MFAP1: variants seen among roughly 807,000 people sequenced by gnomAD.
MFAP1 encodes the protein microfibril associated protein 1.
MFAP1 carries 18 observed loss-of-function variants against 62.2 expected under a neutral mutation model. That is an observed-to-expected ratio of 0.29 (90% CI 0.20 to 0.43). MFAP1 has a LOEUF of 0.43. MFAP1 is among the 20% of genes least tolerant of loss of function. The pLI is 1.00. For missense variants in MFAP1, 355 were observed against 559.7 expected (o/e 0.63, Z 3.69); for synonymous variants, 175 against 180.4 (o/e 0.97, Z 0.24).
At chr15:43,810,634 T>C (rs898965223) in intron 6 of MFAP1, among the ~76,000 whole-genome samples, 1 of 152,174 alleles carries the variant, frequency 6.6e-6, no homozygotes, top group Non-Finnish European at 1.5e-5. Context: ...TCCAAAGTGT[T>C]GGGATTATAG....
chr15:43,821,022 C>T (rs1001997421), intron 1 of MFAP1, among the ~76,000 whole-genome samples: 2 of 152,114 alleles, frequency 1.3e-5, no homozygotes, highest in African/African-American at 4.8e-5. Flanking sequence ...CCTCCCTCTT[C>T]AGCCTCTCAG....
At position 43,808,353 on chromosome 15, in the gene MFAP1, G is replaced by A. The variant is rs2087378575; in HGVS notation, c.1047+1402C>T. Among the ~76,000 whole-genome samples, 4 of 152,178 alleles carry A rather than the reference G, an allele frequency of 2.6e-5. No homozygotes were observed. The South Asian group carries it at 8.3e-4, about 32-fold the overall frequency. ...CTTGATAGGTGACACTACAGGCACG[G>A]ACCACCACGCCTAATTTTTGTATTT... is the stretch of plus-strand genomic sequence containing the variant. On this transcript the variant is annotated intron_variant, in intron 7 of 8. Transcript: ENST00000267812.
intron 1 of MFAP1, among the ~76,000 whole-genome samples, chr15:43,822,681 T>C (rs1011560947): frequency 6.6e-6 from 1 of 152,192 alleles, no homozygotes; most frequent in African/African-American, 2.4e-5. Flanking sequence ...GCCTTTGTTT[T>C]AACAGACAGG....
Position 43,813,236 on chromosome 15 carries a change from C to T in MFAP1, c.726+13G>A. The T allele has an allele frequency of 6.2e-7, 1 of 1,614,082 alleles. No individual in the cohort carries two copies. The highest frequency in any genetic ancestry group is 8.5e-7 in the Non-Finnish European group (1 of 1,180,012). On this transcript the variant is annotated intron_variant, in intron 5 of 8. Transcript: ENST00000267812. ...ATTTCTTGTACTCATTCCTTGCAAC[C>T]ACTCCCCAGTACCTTGAGTGTGTAC...
chr15:43,806,147 T>C lies in MFAP1; in HGVS notation c.1048-682A>G, dbSNP rs866992189. Among the ~76,000 whole-genome samples, 5 of 151,946 alleles carry C rather than the reference T, an allele frequency of 3.3e-5. No homozygotes were observed. The South Asian group carries it at 1.0e-3, about 32-fold the overall frequency. On this transcript the variant is annotated intron_variant, in intron 7 of 8. Transcript: ENST00000267812. ...TTTCTCCTTGAGTGTAGACGTGTCT[T>C]GAAGGTTGGCTTATTCTCTGCACTC... is the stretch of plus-strand genomic sequence containing the variant.
chr15:43,807,611 G>C (rs184043482), intron 7 of MFAP1, among the ~76,000 whole-genome samples: 12 of 151,686 alleles, frequency 7.9e-5, no homozygotes, highest in Admixed American at 7.9e-4. Context: ...GCCTCCCAAA[G>C]TGCTGGGATT....
At chr15:43,812,815 G>C (rs2087410132) in intron 6 of MFAP1, among the ~76,000 whole-genome samples, 172 bp downstream of exon 6, 1 of 152,126 alleles carries the variant, frequency 6.6e-6, no homozygotes, top group Non-Finnish European at 1.5e-5. Flanking sequence ...TCTCTTCCCT[G>C]ATTTCACTGT....
At chr15:43,811,571 G>T (rs182953913) in intron 6 of MFAP1, among the ~76,000 whole-genome samples, 1 of 148,940 alleles carries the variant, frequency 6.7e-6, no homozygotes, top group East Asian at 2.0e-4. Context: ...GCAGTGGCAC[G>T]ATCTCAGCTC....
intron 1 of MFAP1, among the ~76,000 whole-genome samples, chr15:43,820,445 G>A (rs2087460550): frequency 6.6e-6 from 1 of 152,116 alleles, no homozygotes; most frequent in African/African-American, 2.4e-5. Context: ...GGATTTAAAA[G>A]GAAGAAACTG....
At chr15:43,818,525 A>C (rs1431989834) in intron 1 of MFAP1, among the ~76,000 whole-genome samples, 3 of 150,590 alleles carry the variant, frequency 2.0e-5, no homozygotes, top group Middle Eastern at 3.2e-3. Context: ...AAAGAAACAA[A>C]AAAAAAAAAC....
At chr15:43,810,636 G>A (rs1386185471) in intron 6 of MFAP1, among the ~76,000 whole-genome samples, 1 of 152,050 alleles carries the variant, frequency 6.6e-6, no homozygotes, top group East Asian at 1.9e-4. Flanking sequence ...CAAAGTGTTG[G>A]GATTATAGGC....
At chr15:43,809,628 G>T in intron 7 of MFAP1, 127 bp downstream of exon 7, 1 of 1,148,888 alleles carries the variant, frequency 8.7e-7, no homozygotes, top group Non-Finnish European at 1.2e-6. Context: ...GAAGGAAAAA[G>T]CAAATGAGAA....
In MFAP1 at chr15:43,805,252, G is replaced by A; in HGVS notation, c.1162C>T (p.Arg388Cys). ...TCCACAAGGTGAGTGTATTTGGTGC[G>A]ACCTGAGCGTCCAAAGTTCTTGACC... is the stretch of plus-strand genomic sequence containing the variant. ...MQVKNFGRSGRTKYTHLVDQD... is the reference protein window; with the variant it reads ...MQVKNFGRSGCTKYTHLVDQD... The change falls in exon 9 of 9, where the codon CGC (arginine) becomes TGC (cysteine). Residue 388 changes from arginine (R) to cysteine (C), a missense_variant. Arg to Cys is a radical substitution (Grantham distance 180). Transcript: ENST00000267812. 3.1e-6 allele frequency: 5 copies of A among 1,597,462 alleles called. No individual in the cohort carries two copies. The highest frequency in any genetic ancestry group is 4.3e-6 in the Non-Finnish European group (5 of 1,166,796).
chr15:43,816,125 T>C (rs181989676), intron 2 of MFAP1, among the ~76,000 whole-genome samples: 170 of 152,324 alleles, frequency 1.1e-3, no homozygotes, highest in African/African-American at 3.9e-3. Flanking sequence ...ATTCCAAGGT[T>C]TGAAAGGCTG....
intron 2 of MFAP1, 91 bp from the exon 3 acceptor site, chr15:43,815,165 T>C (rs947450505): frequency 6.5e-7 from 1 of 1,534,316 alleles, no homozygotes; most frequent in African/African-American, 1.4e-5. Context: ...ACATTATGTT[T>C]GCCTTCATTA....
At chr15:43,813,504 AG>A in intron 4 of MFAP1, 147 bp from the exon 5 acceptor site, 1 of 476,200 alleles carries the variant, frequency 2.1e-6, no homozygotes, top group South Asian at 2.9e-5. Context: ...GAGTCATCCC[AG>A]GTCTTTTTTT....
intron 6 of MFAP1, 108 bp downstream of exon 6, chr15:43,812,879 C>G: frequency 1.5e-6 from 2 of 1,295,880 alleles, no homozygotes; most frequent in Non-Finnish European, 2.1e-6. Context: ...AACAAGAACT[C>G]TGAAGGTGGC....
intron 7 of MFAP1, among the ~76,000 whole-genome samples, chr15:43,807,473 C>G (rs2087373174): frequency 1.3e-5 from 2 of 151,384 alleles, no homozygotes; most frequent in African/African-American, 4.8e-5. Flanking sequence ...CTCAGCCTCC[C>G]AAGTAGCTGT....
At chr15:43,810,780 G>A (rs570170122) in intron 6 of MFAP1, among the ~76,000 whole-genome samples, 3 of 151,352 alleles carry the variant, frequency 2.0e-5, no homozygotes, top group African/African-American at 7.3e-5. Flanking sequence ...TTTTTGAGAT[G>A]GAATCTTGCT....
Sources: allele counts gnomAD v4.1 joint callset (sites outside exome capture counted in the v4.1 genomes callset), GRCh38; gene constraint gnomAD v4.1.1; transcripts MANE v1.5; gene names NCBI Gene and HGNC (gene_info 2026-07-23, HGNC 2026-07-21).